Variants in MTSS1 observed in about 807,000 individuals in gnomAD.
The protein encoded by MTSS1 is MTSS I-BAR domain containing 1, also known as protein MTSS 1.
MTSS1 carries 18 observed loss-of-function variants against 79.0 expected under a neutral mutation model. The ratio of observed to expected loss-of-function variants is 0.23; its 90% CI spans 0.16 to 0.34. The LOEUF (loss-of-function observed/expected upper bound fraction) is 0.34, where lower values mean the gene tolerates loss of function less well. Among genes scored for constraint, MTSS1 ranks in the 10% least tolerant of loss-of-function variants. The pLI is 1.00. For missense variants in MTSS1, 815 were observed against 986.2 expected (o/e 0.83, Z 2.33); for synonymous variants, 341 against 368.6 (o/e 0.93, Z 0.86).
intron 3 of MTSS1, among the ~76,000 whole-genome samples, chr8:124,692,642 G>A (rs1279218482): frequency 6.6e-6 from 1 of 152,138 alleles, no homozygotes. Context: ...GAAGCAGGGT[G>A]AGTGCCTTCT....
At chr8:124,598,369 C>T (rs1833131026) in intron 3 of MTSS1, among the ~76,000 whole-genome samples, 2 of 152,178 alleles carry the variant, frequency 1.3e-5, no homozygotes, top group African/African-American at 4.8e-5. Flanking sequence ...GCCTCCCTGG[C>T]CTCTACCCAC....
intron 1 of MTSS1, among the ~76,000 whole-genome samples, chr8:124,704,954 G>A (rs764536326): frequency 5.3e-5 from 8 of 152,238 alleles, no homozygotes; most frequent in East Asian, 3.9e-4. Flanking sequence ...GACACTCAGC[G>A]TGTCTCTCTA....
chr8:124,639,372 A>G (rs763688391), intron 3 of MTSS1, among the ~76,000 whole-genome samples: 47 of 152,206 alleles, frequency 3.1e-4, no homozygotes, highest in Non-Finnish European at 6.0e-4. Context: ...TAAGATGTAA[A>G]ATTATCACAA....
At chr8:124,624,557 G>A (rs1814275225) in intron 3 of MTSS1, among the ~76,000 whole-genome samples, 1 of 152,170 alleles carries the variant, frequency 6.6e-6, no homozygotes, top group Admixed American at 6.5e-5. Flanking sequence ...GGATCCCAGG[G>A]CAGTCTGACA....
chr8:124,643,439 T>C (rs1366706408), intron 3 of MTSS1, among the ~76,000 whole-genome samples: 2 of 152,166 alleles, frequency 1.3e-5, no homozygotes, highest in African/African-American at 4.8e-5. Flanking sequence ...GGCTCATGCC[T>C]GTAATCCCAG....
chr8:124,582,710 C>T lies in MTSS1; in HGVS notation c.460+2377G>A, dbSNP rs567742952. ...CTAACACTTTTACAAACCGAGGGTC[C>T]GGGAATCTGCCACTTGAAGGAGATG... On this transcript the variant is annotated intron_variant, in intron 6 of 13. Transcript: ENST00000518547. This position sits in a 1 kb window ranked among gnomAD's most constrained non-coding sequence, Gnocchi z 4.8. Among the ~76,000 whole-genome samples the T allele has an allele frequency of 2.6e-5, 4 of 152,224 alleles. No homozygotes were observed. The highest frequency in any genetic ancestry group is 4.8e-5 in the African/African-American group (2 of 41,516).
intron 3 of MTSS1, among the ~76,000 whole-genome samples, chr8:124,629,505 CAAAAAAAAA>C (rs982816199): frequency 4.8e-5 from 3 of 62,216 alleles, no homozygotes; most frequent in Non-Finnish European, 7.1e-5. Context: ...GACTCCGTCT[CAAAAAAAAA>C]AAAAAAAAAA....
intron 3 of MTSS1, among the ~76,000 whole-genome samples, chr8:124,680,582 T>C (rs1198938160): frequency 6.6e-6 from 1 of 152,234 alleles, no homozygotes; most frequent in African/African-American, 2.4e-5. Context: ...AACATAACAT[T>C]TCTACAGCAC....
At chr8:124,722,508 G>A (rs1833101967) in intron 1 of MTSS1, among the ~76,000 whole-genome samples, 1 of 152,238 alleles carries the variant, frequency 6.6e-6, no homozygotes, top group African/African-American at 2.4e-5. Flanking sequence ...ATACTCAGAT[G>A]AAACCTGCAG....
intron 3 of MTSS1, among the ~76,000 whole-genome samples, chr8:124,650,844 C>T (rs1158708460): frequency 1.3e-5 from 2 of 152,126 alleles, no homozygotes; most frequent in Non-Finnish European, 2.9e-5. Context: ...CACAAATGCT[C>T]GATTAACAAT....
At chr8:124,677,701 G>C (rs1159943871) in intron 3 of MTSS1, among the ~76,000 whole-genome samples, 3 of 152,144 alleles carry the variant, frequency 2.0e-5, no homozygotes, top group African/African-American at 7.2e-5. Flanking sequence ...ATTTATAGGG[G>C]AGGGAGGTTT....
At position 124,727,949 on chromosome 8, in the gene MTSS1, C is replaced by G. The variant is rs1351338617; in HGVS notation, c.7G>C (p.Ala3Pro). 5 of 1,609,754 alleles carry G rather than the reference C, an allele frequency of 3.1e-6. No individual in the cohort carries two copies. In the Admixed American group the frequency reaches 6.7e-5, roughly 22 times the overall value. Residue 3 changes from alanine (A) to proline (P), a missense_variant, in exon 1 of 14, where the codon GCT (alanine) becomes CCT (proline). Ala to Pro is a conservative substitution (Grantham distance 27). Coordinates refer to ENST00000518547, the MANE Select transcript of MTSS1 (RefSeq NM_014751.6). This position sits in a 1 kb window ranked among gnomAD's most constrained non-coding sequence, Gnocchi z 4.7. ...GCGCTGCATTCCTTCTCAATCACAG[C>G]CTCCATTTTCCCGGCTCCGGCAGGG... MEAVIEKECSALG... is the reference protein window; with the variant it reads MEPVIEKECSALG...
Position 124,553,743 on chromosome 8 carries a change from T to C in MTSS1, c.1568-51A>G, listed in dbSNP as rs1293170011. ...ATTCAAGACAGCAGCTGTGCTTTTT[T>C]GATTCTTCTGGGCTGGGAGGACAAA... On this transcript the variant is annotated intron_variant, in intron 13 of 13. Transcript: ENST00000518547. The surrounding 1 kb of genome is among the most constrained non-coding windows in gnomAD (Gnocchi z 6.0). 6.6e-7 allele frequency: 1 copy of C among 1,514,390 alleles called. No homozygotes were observed. Among genetic ancestry groups the C allele is most frequent in the Admixed American group, 1.8e-5 (1 of 54,510 alleles). 93.8% of individuals were successfully genotyped at this position (1,514,390 alleles called of 1,614,324 possible). A position where few individuals can be genotyped will look rare whatever the true frequency, so the allele number is the denominator to read the frequency against.
chr8:124,654,484 T>G (rs1166772350), intron 3 of MTSS1, among the ~76,000 whole-genome samples: 1 of 152,090 alleles, frequency 6.6e-6, no homozygotes, highest in African/African-American at 2.4e-5. Flanking sequence ...TCCTCAAAGA[T>G]CAGGAGAAAT....
chr8:124,622,048 G>C (rs1222900724), intron 3 of MTSS1, among the ~76,000 whole-genome samples: 1 of 141,144 alleles, frequency 7.1e-6, no homozygotes. Context: ...AAGTGTGAGA[G>C]ACAGAAAGAG....
chr8:124,568,778 G>C, intron 6 of MTSS1: 1 of 1,453,414 alleles, frequency 6.9e-7, no homozygotes, highest in Non-Finnish European at 9.0e-7. Context: ...ATGTCCTGGG[G>C]CAACTCTTCA....
chr8:124,647,688 T>C (rs1471746222), intron 3 of MTSS1, among the ~76,000 whole-genome samples: 1 of 152,244 alleles, frequency 6.6e-6, no homozygotes, highest in Non-Finnish European at 1.5e-5. Flanking sequence ...AAATCATTTC[T>C]CACTTCTTCA....
chr8:124,565,056 G>A (rs1056306026), intron 9 of MTSS1, among the ~76,000 whole-genome samples: 2 of 152,226 alleles, frequency 1.3e-5, no homozygotes, highest in African/African-American at 4.8e-5. Flanking sequence ...GGCAAGCCAA[G>A]AACTGACTTC....
chr8:124,634,619 T>C (rs1263280282), intron 3 of MTSS1, among the ~76,000 whole-genome samples: 2 of 152,138 alleles, frequency 1.3e-5, no homozygotes, highest in Admixed American at 1.3e-4. Context: ...AACAGGGAAA[T>C]ACTCATCTCA....
Sources: gnomAD v4.1 joint callset for allele counts (sites outside exome capture counted in the v4.1 genomes callset) on GRCh38, gnomAD v4.1.1 for gene constraint, Gnocchi (gnomAD v3.1) non-coding constraint, MANE v1.5 for transcripts, NCBI Gene and HGNC (gene_info 2026-07-23, HGNC 2026-07-21) for gene names.